HHAT: variants seen among roughly 807,000 people sequenced by gnomAD.
HHAT encodes the protein hedgehog acyltransferase.
HHAT carries 47 observed loss-of-function variants against 70.8 expected under a neutral mutation model. The ratio of observed to expected loss-of-function variants is 0.66; its 90% CI spans 0.53 to 0.85. HHAT has a LOEUF of 0.85. Ranked by LOEUF, HHAT falls within the 40% of genes least tolerant of loss-of-function variation. HHAT has a pLI of 0.00. For missense variants in HHAT, 609 were observed against 604.8 expected, an observed-to-expected ratio of 1.01 and a Z score of -0.07; for synonymous variants, 228 against 247.6, an observed-to-expected ratio of 0.92 and a Z score of 0.74.
At chr1:210,639,594 T>C (rs1199506252) in intron 11 of HHAT, among the ~76,000 whole-genome samples, 1 of 152,228 alleles carries the variant, frequency 6.6e-6, no homozygotes, top group Non-Finnish European at 1.5e-5. Flanking sequence ...TGGGGTTTGT[T>C]GTTTGCTATG....
At chr1:210,331,113 AC>A (rs575231623) in intron 1 of HHAT, among the ~76,000 whole-genome samples, 60 of 152,300 alleles carry the variant, frequency 3.9e-4, no homozygotes, top group African/African-American at 1.4e-3. Context: ...GGTGTGAATC[AC>A]CATGCCCCAC....
chr1:210,443,431 TG>T (rs1398277953), intron 7 of HHAT, among the ~76,000 whole-genome samples: 1 of 148,834 alleles, frequency 6.7e-6, no homozygotes, highest in Non-Finnish European at 1.5e-5. Flanking sequence ...TAAATTACCT[TG>T]GGCAGTATGG....
chr1:210,603,831 G>T (rs1004645003), intron 10 of HHAT, among the ~76,000 whole-genome samples: 1 of 152,158 alleles, frequency 6.6e-6, no homozygotes, highest in Non-Finnish European at 1.5e-5. Flanking sequence ...TCGAGCAGCT[G>T]CTGGCCTTGT....
chr1:210,355,752 T>A (rs2147998269), intron 2 of HHAT, among the ~76,000 whole-genome samples: 1 of 152,302 alleles, frequency 6.6e-6, no homozygotes, highest in South Asian at 2.1e-4. Flanking sequence ...ACTGTTAAAG[T>A]AGTATATGAA....
At chr1:210,528,236 G>A (rs1322744070) in intron 9 of HHAT, among the ~76,000 whole-genome samples, 1 of 152,172 alleles carries the variant, frequency 6.6e-6, no homozygotes, top group African/African-American at 2.4e-5. Flanking sequence ...GCTGGTCATG[G>A]GGAAGGTTCT....
At chr1:210,442,007 C>A (rs1326015013) in intron 7 of HHAT, among the ~76,000 whole-genome samples, 2 of 121,718 alleles carry the variant, frequency 1.6e-5, no homozygotes, top group Non-Finnish European at 3.3e-5. Flanking sequence ...CCCCTCCCCC[C>A]ACCCCACAAC....
At chr1:210,346,714 C>T (rs1197202131) in intron 1 of HHAT, among the ~76,000 whole-genome samples, 1 of 152,158 alleles carries the variant, frequency 6.6e-6, no homozygotes, top group Non-Finnish European at 1.5e-5. Context: ...AGTTTATTTC[C>T]CTTCCTGCTC....
At position 210,675,268 on chromosome 1, in the gene HHAT, G is replaced by C. The variant is rs564984460; in HGVS notation, c.*889G>C. ...CACGTTTAGTGGTTTATATTATTAA[G>C]GTTTGATTCAAACAGAGCCTTTTCT... On this transcript the variant is annotated 3_prime_UTR_variant, in exon 12 of 12. Transcript: ENST00000261458. The C allele has an allele frequency of 6.6e-6, 1 of 152,070 alleles. No individual in the cohort carries two copies. Among genetic ancestry groups the C allele is most frequent in the African/African-American group, 2.4e-5 (1 of 41,406 alleles). The allele number at this position is 152,070 out of a possible 1,614,324, so 9.4% of individuals were successfully genotyped here. A position where few individuals can be genotyped will look rare whatever the true frequency, so the allele number is the denominator to read the frequency against.
intron 8 of HHAT, among the ~76,000 whole-genome samples, chr1:210,508,396 C>G (rs1442427765): frequency 3.9e-5 from 6 of 152,028 alleles, no homozygotes. Context: ...TGGATAGAGT[C>G]ACTTTCTCAT....
intron 5 of HHAT, among the ~76,000 whole-genome samples, chr1:210,401,684 C>T (rs949371626): frequency 6.6e-6 from 1 of 152,112 alleles, no homozygotes; most frequent in African/African-American, 2.4e-5. Context: ...TTTTCTCAGT[C>T]ACAATAACAG....
intron 9 of HHAT, among the ~76,000 whole-genome samples, chr1:210,579,953 C>T (rs1658842971): frequency 6.6e-6 from 1 of 152,204 alleles, no homozygotes; most frequent in Non-Finnish European, 1.5e-5. Context: ...CACTGAACTA[C>T]CAGCTTCATG....
chr1:210,528,407 G>A (rs2095275639), intron 9 of HHAT, among the ~76,000 whole-genome samples: 1 of 152,226 alleles, frequency 6.6e-6, no homozygotes, highest in African/African-American at 2.4e-5. Flanking sequence ...CCATGGCTGG[G>A]CCATGTAAGG....
intron 10 of HHAT, among the ~76,000 whole-genome samples, chr1:210,596,192 A>G (rs1005365938): frequency 6.6e-6 from 1 of 152,200 alleles, no homozygotes; most frequent in East Asian, 1.9e-4. Flanking sequence ...ACATATGGCT[A>G]GCCAGTTTTC....
At chr1:210,568,160 A>G (rs1333228327) in intron 9 of HHAT, among the ~76,000 whole-genome samples, 3 of 152,228 alleles carry the variant, frequency 2.0e-5, no homozygotes, top group Non-Finnish European at 2.9e-5. Flanking sequence ...TCATTCCTAC[A>G]TAATGAAGTC....
intron 2 of HHAT, among the ~76,000 whole-genome samples, chr1:210,350,909 A>G (rs2086960910): frequency 2.6e-5 from 4 of 152,116 alleles, no homozygotes; most frequent in African/African-American, 9.7e-5. Flanking sequence ...CTTTTTATCT[A>G]GTTAAGGAAG....
intron 10 of HHAT, among the ~76,000 whole-genome samples, chr1:210,608,959 A>T (rs1666059431): frequency 6.6e-6 from 1 of 152,214 alleles, no homozygotes; most frequent in African/African-American, 2.4e-5. Context: ...AGGCTAAAAG[A>T]GGAAGTGCCA....
intron 9 of HHAT, among the ~76,000 whole-genome samples, chr1:210,567,230 G>A (rs1252445255): frequency 6.6e-6 from 1 of 152,234 alleles, no homozygotes; most frequent in African/African-American, 2.4e-5. Context: ...CATTAGCTGT[G>A]TAGCTTTCTT....
chr1:210,441,186 T>TG (rs1213898284), intron 7 of HHAT, among the ~76,000 whole-genome samples: 1 of 152,116 alleles, frequency 6.6e-6, no homozygotes, highest in Non-Finnish European at 1.5e-5. Flanking sequence ...GTGATGTGGA[T>TG]GGAGGGTAAG....
intron 6 of HHAT, among the ~76,000 whole-genome samples, chr1:210,405,829 G>A (rs761671193): frequency 2.9e-4 from 44 of 152,064 alleles, no homozygotes; most frequent in Non-Finnish European, 5.9e-4. Flanking sequence ...CTCATACCTC[G>A]GTTTGGGATC....
Sources: gnomAD v4.1 joint callset for allele counts (sites outside exome capture counted in the v4.1 genomes callset) on GRCh38, gnomAD v4.1.1 for gene constraint, MANE v1.5 for transcripts, NCBI Gene and HGNC (gene_info 2026-07-23, HGNC 2026-07-21) for gene names.